Variants in KIRREL3 observed in about 807,000 individuals in gnomAD.
KIRREL3 encodes the protein kin of IRRE-like protein 3.
A neutral mutation model predicts 89.7 loss-of-function variants in KIRREL3; 36 were observed. The observed-to-expected ratio is 0.40, with a 90% CI of 0.31 to 0.53. KIRREL3 has a LOEUF of 0.53. KIRREL3 is among the 20% of genes least tolerant of loss of function. The pLI, the probability that KIRREL3 is intolerant of heterozygous loss-of-function variation, is 0.49. For missense variants in KIRREL3, 864 were observed against 1,056.6 expected, an observed-to-expected ratio of 0.82 and a Z score of 2.53; for synonymous variants, 445 against 441.4, an observed-to-expected ratio of 1.01 and a Z score of -0.10.
At chr11:126,440,261 G>A (rs3740918) in intron 11 of KIRREL3, 188 bp downstream of exon 11, 189,162 of 709,014 alleles carry the variant, frequency 0.27, 27,661 homozygotes, top group African/African-American at 0.46. Context: ...AGCACTGCCT[G>A]TTCTGAGAAA....
In KIRREL3 at chr11:126,788,984, C is replaced by T. The variant is rs1245461985; in HGVS notation, c.55+211471G>A. Among the ~76,000 whole-genome samples the T allele has an allele frequency of 6.6e-6, 1 of 152,120 alleles. No individual in the cohort carries two copies. Among genetic ancestry groups the T allele is most frequent in the Non-Finnish European group, 1.5e-5 (1 of 68,018 alleles). On this transcript the variant is annotated intron_variant, in intron 1 of 16. Coordinates refer to ENST00000525144, the MANE Select transcript of KIRREL3 (RefSeq NM_032531.4). This position sits in a 1 kb window ranked among gnomAD's most constrained non-coding sequence, Gnocchi z 4.1. ...AATCCCTGTCAAGATTTCTTTGACCCAACGGTGGGCTGGGTTGTGCCCTTC... is the reference window on the plus strand; with the variant it reads ...AATCCCTGTCAAGATTTCTTTGACCTAACGGTGGGCTGGGTTGTGCCCTTC...
intron 1 of KIRREL3, among the ~76,000 whole-genome samples, chr11:126,888,256 A>G (rs1212914509): frequency 1.3e-5 from 2 of 152,194 alleles, no homozygotes; most frequent in Non-Finnish European, 2.9e-5. Flanking sequence ...GGCTGACATC[A>G]GACAATTTAC....
At position 126,459,364 on chromosome 11, in the gene KIRREL3, T is replaced by A. The variant is rs974170749; in HGVS notation, c.743-2910A>T. Among the ~76,000 whole-genome samples the A allele has an allele frequency of 6.6e-6, 1 of 152,252 alleles. No individual in the cohort carries two copies. The highest frequency in any genetic ancestry group is 2.4e-5 in the African/African-American group (1 of 41,552). On this transcript the variant is annotated intron_variant, in intron 6 of 16. Transcript: ENST00000525144. This position sits in a 1 kb window ranked among gnomAD's most constrained non-coding sequence, Gnocchi z 4.8. ...ATGATCAGCTCACTCGTAAGGCTGC[T>A]CTCCTGCACTTTCCCTTCCTCTTAG... is the stretch of plus-strand genomic sequence containing the variant.
rs1430084200 is a variant in KIRREL3 at position 126,562,805 on chromosome 11, TC to T, written c.133+29del. The T allele has an allele frequency of 5.6e-6, 9 of 1,593,252 alleles. No individual in the cohort carries two copies. Among genetic ancestry groups the T allele is most frequent in the Non-Finnish European group, 6.9e-6 (8 of 1,161,102 alleles). ...GGAGAGCTTCCTCCCTCCAGATTAC[TC>T]CCGAGACAATGGGGAGGTTCTCACT... On this transcript the variant is annotated intron_variant, in intron 2 of 16. Transcript: ENST00000525144. The surrounding 1 kb of genome is among the most constrained non-coding windows in gnomAD (Gnocchi z 4.7).
intron 1 of KIRREL3, among the ~76,000 whole-genome samples, chr11:126,702,190 C>T (rs907723599): frequency 2.0e-5 from 3 of 152,120 alleles, no homozygotes; most frequent in African/African-American, 4.8e-5. Flanking sequence ...AATTTGTAGA[C>T]CTGTTGTGAG....
Position 126,541,546 on chromosome 11 carries a change from A to G in KIRREL3, c.134-14859T>C, listed in dbSNP as rs1938368948. ...AAACAAAATAATCATTTATGCTGCT[A>G]TAGCCTTGTCAGTCAGAGACGGTTC... On this transcript the variant is annotated intron_variant, in intron 2 of 16. Coordinates refer to ENST00000525144, the MANE Select transcript of KIRREL3 (RefSeq NM_032531.4). This position sits in a 1 kb window ranked among gnomAD's most constrained non-coding sequence, Gnocchi z 4.8. 6.6e-6 allele frequency among the ~76,000 whole-genome samples: 1 copy of G among 152,236 alleles called. No homozygotes were observed. The highest frequency in any genetic ancestry group is 1.5e-5 in the Non-Finnish European group (1 of 68,046).
chr11:126,567,736 C>T (rs1939303), intron 1 of KIRREL3, among the ~76,000 whole-genome samples: 5,092 of 150,390 alleles, frequency 0.034, 243 homozygotes, highest in East Asian at 0.18. Context: ...TGGCACCCAG[C>T]GGCAAGCTGG....
In KIRREL3 at chr11:126,924,510, C is replaced by A. The variant is rs948117; in HGVS notation, c.55+75945G>T. On this transcript the variant is annotated intron_variant, in intron 1 of 16. Transcript: ENST00000525144. The surrounding 1 kb of genome is among the most constrained non-coding windows in gnomAD (Gnocchi z 4.7). Reference sequence around the variant, plus strand: ...ATCCTGTGCCATTATTGTACTTGCCCGTTTGCAACAAGGAACATCTTTGGC... The same window carrying A: ...ATCCTGTGCCATTATTGTACTTGCCAGTTTGCAACAAGGAACATCTTTGGC... Among the ~76,000 whole-genome samples, 1 of 152,002 alleles carries A rather than the reference C, an allele frequency of 6.6e-6. No homozygotes were observed. The highest frequency in any genetic ancestry group is 1.5e-5 in the Non-Finnish European group (1 of 67,984).
At chr11:126,518,091 C>G (rs371131689) in intron 4 of KIRREL3, among the ~76,000 whole-genome samples, 18 of 152,354 alleles carry the variant, frequency 1.2e-4, no homozygotes, top group South Asian at 2.1e-4. Flanking sequence ...GGCCTTCCCC[C>G]GTCTTTCCCT....
At position 126,476,683 on chromosome 11, in the gene KIRREL3, G is replaced by A. The variant is rs1449230350; in HGVS notation, c.434-3217C>T. Among the ~76,000 whole-genome samples the A allele has an allele frequency of 1.3e-5, 2 of 151,530 alleles. No individual in the cohort carries two copies. The highest frequency in any genetic ancestry group is 2.4e-5 in the African/African-American group (1 of 41,132). ...GGGGGCTGGGGGGGGGTGGGGGTTG[G>A]TGAGGATGGAGGATGTTTGGGGGCC... is the stretch of plus-strand genomic sequence containing the variant. On this transcript the variant is annotated intron_variant, in intron 4 of 16. Transcript: ENST00000525144. The surrounding 1 kb of genome is among the most constrained non-coding windows in gnomAD (Gnocchi z 6.4).
In KIRREL3 at chr11:126,734,749, A is replaced by G. The variant is rs898855640; in HGVS notation, c.56-171837T>C. 1.3e-5 allele frequency among the ~76,000 whole-genome samples: 2 copies of G among 152,192 alleles called. No homozygotes were observed. The highest frequency in any genetic ancestry group is 4.8e-5 in the African/African-American group (2 of 41,454). On this transcript the variant is annotated intron_variant, in intron 1 of 16. Coordinates refer to ENST00000525144, the MANE Select transcript of KIRREL3 (RefSeq NM_032531.4). This position sits in a 1 kb window ranked among gnomAD's most constrained non-coding sequence, Gnocchi z 5.9. Reference sequence around the variant, plus strand: ...GACTGTGTGATATGGTCAGTAACAGAGTGTGTCAAAGTGCTAAGGAATCAC... The same window carrying G: ...GACTGTGTGATATGGTCAGTAACAGGGTGTGTCAAAGTGCTAAGGAATCAC...
In KIRREL3 at chr11:126,686,110, T is replaced by C. The variant is rs1437801993; in HGVS notation, c.56-123198A>G. ...CTGCCTCAGATGGCCCCCGAGTCCA[T>C]CAGCAGCTCCTTCCCTGTGGTCCGA... On this transcript the variant is annotated intron_variant, in intron 1 of 16. Transcript: ENST00000525144. The surrounding 1 kb of genome is among the most constrained non-coding windows in gnomAD (Gnocchi z 4.7). Among the ~76,000 whole-genome samples, 1 of 152,172 alleles carries C rather than the reference T, an allele frequency of 6.6e-6. No homozygotes were observed. Among genetic ancestry groups the C allele is most frequent in the African/African-American group, 2.4e-5 (1 of 41,442 alleles).
chr11:126,988,287 AGAGCAGTCGCTAG>A (rs1208059894), intron 1 of KIRREL3, among the ~76,000 whole-genome samples: 1 of 152,218 alleles, frequency 6.6e-6, no homozygotes, highest in African/African-American at 2.4e-5. Context: ...GTGGAGGCAG[AGAGCAGTCGCTAG>A]CCATGGAGGA....
chr11:126,675,288 T>C (rs1946136931), intron 1 of KIRREL3, among the ~76,000 whole-genome samples: 1 of 152,234 alleles, frequency 6.6e-6, no homozygotes, highest in Admixed American at 6.5e-5. Flanking sequence ...CTACATTCCA[T>C]AGCACTCAGC....
chr11:126,599,773 AGG>A (rs1942565851), intron 1 of KIRREL3, among the ~76,000 whole-genome samples: 1 of 152,196 alleles, frequency 6.6e-6, no homozygotes, highest in Non-Finnish European at 1.5e-5. Context: ...CTGTGGTTGA[AGG>A]GCCCTGGAGA....
rs920517852 is a variant in KIRREL3, at chr11:126,441,305, C to T, written c.1253-756G>A. On this transcript the variant is annotated intron_variant, in intron 10 of 16. Transcript: ENST00000525144. The surrounding 1 kb of genome is among the most constrained non-coding windows in gnomAD (Gnocchi z 5.0). ...GTTTATGGGTGTCAGGTTCTGAGAG[C>T]GCCTGTCTCATTCACCACATTGCAC... 6.6e-6 allele frequency among the ~76,000 whole-genome samples: 1 copy of T among 152,224 alleles called. No individual in the cohort carries two copies.
chr11:126,560,040 G>A (rs1939997096), intron 2 of KIRREL3, among the ~76,000 whole-genome samples: 1 of 151,996 alleles, frequency 6.6e-6, no homozygotes, highest in African/African-American at 2.4e-5. Context: ...GTAAGAAATT[G>A]GTATTATTTT....
chr11:126,637,897 C>A (rs138746140), intron 1 of KIRREL3, among the ~76,000 whole-genome samples: 82 of 152,262 alleles, frequency 5.4e-4, no homozygotes, highest in African/African-American at 2.0e-3. Flanking sequence ...AAACCGATGA[C>A]CATTGTACAG....
In KIRREL3 at chr11:126,872,792, A is replaced by C. The variant is rs951286516; in HGVS notation, c.55+127663T>G. 6.6e-6 allele frequency among the ~76,000 whole-genome samples: 1 copy of C among 152,134 alleles called. No individual in the cohort carries two copies. The highest frequency in any genetic ancestry group is 2.4e-5 in the African/African-American group (1 of 41,440). The stretch of plus-strand genomic sequence containing the variant: ...TAAATTAGATACTGATCAGCTCTCC[A>C]TTTCCATAGTGTGTTGAATAATACC... On this transcript the variant is annotated intron_variant, in intron 1 of 16. Transcript: ENST00000525144. This position sits in a 1 kb window ranked among gnomAD's most constrained non-coding sequence, Gnocchi z 4.2.
Sources: gnomAD v4.1 joint callset for allele counts (sites outside exome capture counted in the v4.1 genomes callset) on GRCh38, gnomAD v4.1.1 for gene constraint, Gnocchi (gnomAD v3.1) non-coding constraint, MANE v1.5 for transcripts, NCBI Gene and HGNC (gene_info 2026-07-23, HGNC 2026-07-21) for gene names.